DLGAP2: variants seen among roughly 807,000 people sequenced by gnomAD.
The protein encoded by DLGAP2 is DLG associated protein 2.
Under a neutral mutation model 100.3 loss-of-function variants are expected in DLGAP2, and 26 were observed. The ratio of observed to expected loss-of-function variants is 0.26; its 90% CI spans 0.19 to 0.36. DLGAP2 has a LOEUF of 0.36. Ranked by LOEUF, DLGAP2 falls within the 10% of genes least tolerant of loss-of-function variation. The pLI is 1.00. For synonymous variants in DLGAP2, 886 were observed against 630.1 expected, an observed-to-expected ratio of 1.41 and a Z score of -6.08; for missense variants, 1,858 against 1,453.2, an observed-to-expected ratio of 1.28 and a Z score of -4.53.
intron 3 of DLGAP2, among the ~76,000 whole-genome samples, chr8:1,304,157 C>T (rs1800433855): frequency 6.6e-6 from 1 of 152,178 alleles, no homozygotes; most frequent in Non-Finnish European, 1.5e-5. Context: ...TGGAATGTTC[C>T]ATGGGAGCAG....
intron 3 of DLGAP2, among the ~76,000 whole-genome samples, chr8:1,350,968 C>T (rs1458567482): frequency 1.6e-5 from 2 of 122,630 alleles, no homozygotes; most frequent in Non-Finnish European, 3.3e-5. Context: ...AAAGGCCGTG[C>T]GGGTCCTGAG....
At chr8:1,372,681 T>C (rs1295517327) in intron 3 of DLGAP2, among the ~76,000 whole-genome samples, 2 of 152,200 alleles carry the variant, frequency 1.3e-5, no homozygotes, top group African/African-American at 4.8e-5. Flanking sequence ...CTTCAATAAG[T>C]TGGACATGGA....
rs532641940 is a variant in DLGAP2 at position 1,587,575 on chromosome 8, G to T, written c.1442+21681G>T. 2.6e-5 allele frequency among the ~76,000 whole-genome samples: 4 copies of T among 152,262 alleles called. No homozygotes were observed. The East Asian group carries it at 7.7e-4, about 29-fold the overall frequency. On this transcript the variant is annotated intron_variant, in intron 6 of 14. Transcript: ENST00000637795. ...CTACATCACACATATATTGATAGAT[G>T]ATGCTTTTATAGTCACTGTTATCTA...
chr8:793,039 G>A (rs937781527), intron 1 of DLGAP2, among the ~76,000 whole-genome samples: 3 of 152,164 alleles, frequency 2.0e-5, no homozygotes, highest in Admixed American at 6.5e-5. Flanking sequence ...ACTTTGTTAC[G>A]CATCAGCAGT....
intron 2 of DLGAP2, among the ~76,000 whole-genome samples, chr8:972,613 T>C (rs1433856082): frequency 6.6e-6 from 1 of 151,444 alleles, no homozygotes; most frequent in Non-Finnish European, 1.5e-5. Flanking sequence ...TTTGTATTTT[T>C]TTCTTATTTA....
At chr8:1,409,814 C>T (rs1584869672) in intron 3 of DLGAP2, among the ~76,000 whole-genome samples, 1 of 152,338 alleles carries the variant, frequency 6.6e-6, no homozygotes, top group East Asian at 1.9e-4. Flanking sequence ...TCCACCAGAG[C>T]CCCAGGGCCT....
intron 6 of DLGAP2, among the ~76,000 whole-genome samples, chr8:1,610,370 C>T (rs1796955650): frequency 6.6e-6 from 1 of 151,820 alleles, no homozygotes; most frequent in South Asian, 2.1e-4. Flanking sequence ...ACCAGAATCT[C>T]TGGGACGCAT....
intron 1 of DLGAP2, chr8:739,910 G>C (rs1020545740): frequency 6.6e-6 from 1 of 152,220 alleles, no homozygotes; most frequent in Non-Finnish European, 1.5e-5. Context: ...CACAGAGCCG[G>C]CCCTGTCCTC....
At chr8:1,225,997 T>A (rs183286687) in intron 2 of DLGAP2, among the ~76,000 whole-genome samples, 1 of 145,230 alleles carries the variant, frequency 6.9e-6, no homozygotes, top group African/African-American at 2.9e-5. Context: ...AAGGTGGTGA[T>A]TTCATTTCTC....
intron 3 of DLGAP2, among the ~76,000 whole-genome samples, chr8:1,473,597 G>T (rs896114938): frequency 6.6e-6 from 1 of 152,208 alleles, no homozygotes; most frequent in Non-Finnish European, 1.5e-5. Flanking sequence ...GAGCTTTGGG[G>T]TGATGGGATG....
At chr8:943,918 A>G (rs994996026) in intron 2 of DLGAP2, among the ~76,000 whole-genome samples, 3 of 152,244 alleles carry the variant, frequency 2.0e-5, no homozygotes, top group Non-Finnish European at 4.4e-5. Context: ...TTAATCTCTC[A>G]TAGATAAGAT....
Position 1,689,452 on chromosome 8 carries a change from G to T in DLGAP2, c.2705-2083G>T, listed in dbSNP as rs1799200416. Among the ~76,000 whole-genome samples the T allele has an allele frequency of 2.0e-5, 3 of 152,172 alleles. No homozygotes were observed. The South Asian group carries it at 6.2e-4, about 32-fold the overall frequency. On this transcript the variant is annotated intron_variant, in intron 12 of 14. Coordinates refer to ENST00000637795, the MANE Select transcript of DLGAP2 (RefSeq NM_001346810.2). ...ATCTCTCGCCTCTGCGTTCAAGGGG[G>T]CAAATCTCCAGGATAAATGCCCCCT...
intron 3 of DLGAP2, among the ~76,000 whole-genome samples, chr8:1,450,721 G>C (rs1435948738): frequency 2.6e-5 from 4 of 152,122 alleles, no homozygotes. Flanking sequence ...TGAGGAGGGG[G>C]CCAAGCGACA....
intron 2 of DLGAP2, among the ~76,000 whole-genome samples, chr8:1,004,719 T>A (rs1481029395): frequency 6.6e-6 from 1 of 152,204 alleles, no homozygotes; most frequent in Non-Finnish European, 1.5e-5. Flanking sequence ...GCGGCATCTT[T>A]CTCAGCTGGG....
intron 3 of DLGAP2, among the ~76,000 whole-genome samples, chr8:1,383,803 C>T (rs566641901): frequency 1.3e-5 from 2 of 152,314 alleles, no homozygotes; most frequent in Non-Finnish European, 2.9e-5. Context: ...CAGATGACCA[C>T]CAGCAGCTCC....
chr8:1,668,447 G>C lies in DLGAP2; in HGVS notation c.1929G>C (p.Gln643His), dbSNP rs752858442. 5.6e-6 allele frequency: 9 copies of C among 1,598,002 alleles called. No homozygotes were observed. The highest frequency in any genetic ancestry group is 1.3e-5 in the African/African-American group (1 of 74,414). Reference sequence around the variant, plus strand: ...CCGAATCCACCCAGGACGCCTACCAGGACAGCCGCGCACAGAGGATGTCCC... The same window carrying C: ...CCGAATCCACCCAGGACGCCTACCACGACAGCCGCGCACAGAGGATGTCCC... ...SSTESTQDAY[Q>H]DSRAQRMSPW... is the part of the protein sequence containing the mutation. Residue 643 changes from glutamine (Q) to histidine (H), a missense_variant, in exon 9 of 15, where the codon CAG becomes CAC. Gln to His is a conservative substitution (Grantham distance 24). Coordinates refer to ENST00000637795, the MANE Select transcript of DLGAP2 (RefSeq NM_001346810.2).
At chr8:1,369,659 A>C (rs1054671431) in intron 3 of DLGAP2, 2 of 152,140 alleles carry the variant, frequency 1.3e-5, no homozygotes, top group Admixed American at 1.3e-4. Flanking sequence ...TCTAAATCAC[A>C]CCCACCTTGC....
intron 2 of DLGAP2, among the ~76,000 whole-genome samples, chr8:997,495 C>G (rs1385910760): frequency 6.6e-6 from 1 of 152,148 alleles, no homozygotes; most frequent in Non-Finnish European, 1.5e-5. Context: ...GAGTAACCAT[C>G]ATTCACTACC....
At chr8:1,441,071 G>A (rs1213307084) in intron 3 of DLGAP2, among the ~76,000 whole-genome samples, 2 of 152,130 alleles carry the variant, frequency 1.3e-5, no homozygotes, top group Non-Finnish European at 2.9e-5. Flanking sequence ...ATGCTGAAGG[G>A]AAAAGTCTAT....
Sources: gnomAD v4.1 joint callset for allele counts (sites outside exome capture counted in the v4.1 genomes callset) on GRCh38, gnomAD v4.1.1 for gene constraint, MANE v1.5 for transcripts, NCBI Gene and HGNC (gene_info 2026-07-23, HGNC 2026-07-21) for gene names.